Variants in HSPA14 observed in about 807,000 individuals in gnomAD.
HSPA14 encodes the protein heat shock 70 kDa protein 14.
Under a neutral mutation model 65.5 loss-of-function variants are expected in HSPA14, and 37 were observed. The observed-to-expected ratio is 0.56, with a 90% CI of 0.43 to 0.74. HSPA14 has a LOEUF of 0.74. Among genes scored for constraint, HSPA14 ranks in the 30% least tolerant of loss-of-function variants. The probability of loss-of-function intolerance (pLI) is 0.00; values close to 1 mark genes in which losing one functional copy is unlikely to be tolerated. For missense variants in HSPA14, 564 were observed against 607.6 expected, an observed-to-expected ratio of 0.93 and a Z score of 0.75; for synonymous variants, 203 against 214.2, an observed-to-expected ratio of 0.95 and a Z score of 0.46.
intron 3 of HSPA14, chr10:14,846,654 T>G: frequency 1.1e-6 from 1 of 942,266 alleles, no homozygotes; most frequent in Non-Finnish European, 1.3e-6. Flanking sequence ...CTCATAATTG[T>G]CCTACCTACC....
At chr10:14,857,686 A>G (rs1043363166) in intron 10 of HSPA14, among the ~76,000 whole-genome samples, 1 of 151,984 alleles carries the variant, frequency 6.6e-6, no homozygotes, top group East Asian at 1.9e-4. Flanking sequence ...TTACTTCACT[A>G]TTTGGTTTTG....
At position 14,849,744 on chromosome 10, in the gene HSPA14, T is replaced by C; in HGVS notation, c.400T>C (p.Ser134Pro). Residue 134 changes from serine to proline, a missense_variant, in exon 6 of 14, where the codon TCA becomes CCA. Ser to Pro is a moderately conservative substitution (Grantham distance 74, BLOSUM62 -1). Transcript: ENST00000378372. ...MKETAHSVLG[S>P]DANDVVITVP... ...AGAAACGGCACATTCTGTATTGGGC[T>C]CAGATGCAAATGATGTAGTTATTAC... is the stretch of plus-strand genomic sequence containing the variant. The C allele has an allele frequency of 1.2e-6, 2 of 1,611,476 alleles. No homozygotes were observed. The highest frequency in any genetic ancestry group is 1.1e-5 in the South Asian group (1 of 90,324).
chr10:14,840,146 C>G lies in HSPA14; in HGVS notation c.210C>G (p.Ile70Met). The change falls in exon 3 of 14, where the codon ATC becomes ATG. Residue 70 changes from isoleucine to methionine, a missense_variant. Transcript: ENST00000378372. ...ATACAGTAATGAAAGTAAAGCAGAT[C>G]CTGGGCAGAAGGTATGGAATCAAAT... ...ISNTVMKVKQ[I>M]LGRSSSDPQA... 1.4e-6 allele frequency: 2 copies of G among 1,434,282 alleles called. No homozygotes were observed. The highest frequency in any genetic ancestry group is 1.6e-5 in the South Asian group (1 of 60,750). The allele number at this position is 1,434,282 out of a possible 1,614,324, so 88.8% of individuals were successfully genotyped here. A position where few individuals can be genotyped will look rare whatever the true frequency, so the allele number is the denominator to read the frequency against.
chr10:14,838,721 C>A, intron 1 of HSPA14: 1 of 475,022 alleles, frequency 2.1e-6, no homozygotes, highest in Admixed American at 4.0e-5. Flanking sequence ...GGCGGGATGC[C>A]CGGAGGGGTC....
At chr10:14,847,400 GTTAATA>G (rs1333918606) in intron 3 of HSPA14, among the ~76,000 whole-genome samples, 2 of 152,162 alleles carry the variant, frequency 1.3e-5, no homozygotes, top group African/African-American at 4.8e-5. Context: ...TTGGGATATA[GTTAATA>G]TTAAATACTG....
intron 10 of HSPA14, among the ~76,000 whole-genome samples, chr10:14,863,177 CT>C (rs1832771384): frequency 1.3e-5 from 2 of 152,074 alleles, no homozygotes; most frequent in South Asian, 2.1e-4. Context: ...AGGAGGTATT[CT>C]TTTTTTCTGC....
Position 14,851,222 on chromosome 10 carries a change from A to G in HSPA14, c.471A>G (p.Glu157=), listed in dbSNP as rs1211969309. Reference sequence around the variant, plus strand: ...ATTGAAAGCAAATTGTTCACAGAGAAGCAGCTAGAGCTGCTGGATTTAATG... The same window carrying G: ...ATTGAAAGCAAATTGTTCACAGAGAGGCAGCTAGAGCTGCTGGATTTAATG... ...FGEKQKNALG[E]AARAAGFNVL... Residue 157 remains glutamate (E), a synonymous_variant, in exon 7 of 14, where the codon GAA becomes GAG. Coordinates refer to ENST00000378372, the MANE Select transcript of HSPA14 (RefSeq NM_016299.4). 3.8e-6 allele frequency: 6 copies of G among 1,564,482 alleles called. No individual in the cohort carries two copies. Among genetic ancestry groups the G allele is most frequent in the African/African-American group, 1.4e-5 (1 of 73,246 alleles).
At chr10:14,848,488 T>A (rs902382176) in intron 3 of HSPA14, 121 bp from the exon 4 acceptor site, 6 of 641,872 alleles carry the variant, frequency 9.3e-6, no homozygotes, top group Non-Finnish European at 1.3e-5. Flanking sequence ...AGCAGCTTAA[T>A]AACTTTGTTA....
At position 14,859,531 on chromosome 10, in the gene HSPA14, AG is replaced by A. The variant is rs142182644; in HGVS notation, c.993+3591del. The stretch of plus-strand genomic sequence containing the variant: ...TGTCAGCTTAGTGGGCTTTTGTGAA[AG>A]GGAGCTTAGATAAATGAATATGGTT... On this transcript the variant is annotated intron_variant, in intron 10 of 13. Transcript: ENST00000378372. Among the ~76,000 whole-genome samples the A allele has an allele frequency of 8.2e-3, 1,251 of 152,280 alleles. 21 individuals carry two copies. The highest frequency in any genetic ancestry group is 0.028 in the African/African-American group (1,176 of 41,536).
rs369798366 is a variant in HSPA14, at chr10:14,847,074, C to T, written c.222-1535C>T. The T allele has an allele frequency of 6.1e-6, 6 of 978,964 alleles. No homozygotes were observed. In the South Asian group the frequency reaches 1.4e-4, roughly 23 times the overall value. 60.6% of individuals were successfully genotyped at this position (978,964 alleles called of 1,614,324 possible). On this transcript the variant is annotated intron_variant, in intron 3 of 13. Transcript: ENST00000378372. ...CCTCCATTCTCTGCTTTGCTTTCTC[C>T]TCTGCTAAGGGTCTTGCATGTCTGC...
intron 10 of HSPA14, among the ~76,000 whole-genome samples, chr10:14,861,540 G>A (rs999655277): frequency 3.3e-5 from 5 of 152,002 alleles, no homozygotes; most frequent in Non-Finnish European, 5.9e-5. Flanking sequence ...CAAACTCCTG[G>A]GCTCAAGCAG....
At chr10:14,851,149 C>T (rs1307539248) in intron 6 of HSPA14, 70 bp from the exon 7 acceptor site, 1 of 824,094 alleles carries the variant, frequency 1.2e-6, no homozygotes. Context: ...AAATCTTTAG[C>T]AGATCATTTC....
In HSPA14 at chr10:14,840,056, ATATTAT is replaced by A; in HGVS notation, c.139-17_139-12del. 4.2e-6 allele frequency: 5 copies of A among 1,196,512 alleles called. No individual in the cohort carries two copies. The highest frequency in any genetic ancestry group is 2.7e-5 in the East Asian group (1 of 36,788). The allele number at this position is 1,196,512 out of a possible 1,614,324, so 74.1% of individuals were successfully genotyped here. On this transcript the variant is annotated splice_polypyrimidine_tract_variant and intron_variant, in intron 2 of 13. Transcript: ENST00000378372. The stretch of plus-strand genomic sequence containing the variant: ...CATACATTGTAATATATATATATAT[ATATTAT>A]TTTTTTTTTCAGATTGTTGGATTGG...
At chr10:14,838,963 C>T (rs12769965) in intron 1 of HSPA14, among the ~76,000 whole-genome samples, 1 of 152,160 alleles carries the variant, frequency 6.6e-6, no homozygotes, top group Non-Finnish European at 1.5e-5. Context: ...AGGCGGTGGT[C>T]TCTGGGACAG....
intron 1 of HSPA14, among the ~76,000 whole-genome samples, chr10:14,839,536 A>C (rs1000869763): frequency 6.6e-6 from 1 of 150,688 alleles, no homozygotes; most frequent in African/African-American, 2.4e-5. Flanking sequence ...TGCAGTCTGC[A>C]CTCCAGCCTG....
At chr10:14,846,689 A>C (rs558934364) in intron 3 of HSPA14, 165 of 965,916 alleles carry the variant, frequency 1.7e-4, no homozygotes, top group Middle Eastern at 1.6e-3. Context: ...TGAGGATCAA[A>C]GGAACAGATG....
chr10:14,853,996 G>A (rs556644666), intron 8 of HSPA14, 129 bp from the exon 9 acceptor site: 16 of 828,498 alleles, frequency 1.9e-5, no homozygotes, highest in Non-Finnish European at 2.4e-5. Context: ...GGGATTACAC[G>A]CGTGAGCCAC....
At chr10:14,861,264 G>A (rs1262529903) in intron 10 of HSPA14, among the ~76,000 whole-genome samples, 1 of 152,088 alleles carries the variant, frequency 6.6e-6, no homozygotes. Flanking sequence ...GTATCTGTAA[G>A]TGGGGAGACA....
chr10:14,863,339 G>A (rs549042827), intron 10 of HSPA14, among the ~76,000 whole-genome samples: 2 of 152,254 alleles, frequency 1.3e-5, no homozygotes, highest in South Asian at 4.1e-4. Flanking sequence ...AGTTTTTGCT[G>A]GCATTGGTCT....
Sources: gnomAD v4.1 joint callset for allele counts (sites outside exome capture counted in the v4.1 genomes callset) on GRCh38, gnomAD v4.1.1 for gene constraint, MANE v1.5 for transcripts, NCBI Gene and HGNC (gene_info 2026-07-23, HGNC 2026-07-21) for gene names.